The following HMCN1 variants were observed in gnomAD, a reference collection of about 807,000 sequenced individuals.
HMCN1 encodes hemicentin-1.
In HMCN1, 321 loss-of-function variants were observed where a neutral mutation model predicts 625.9. That is an observed-to-expected ratio of 0.51 (90% CI 0.47 to 0.56). HMCN1 has a LOEUF of 0.56. Among genes scored for constraint, HMCN1 ranks in the 20% least tolerant of loss-of-function variants. The pLI, the probability that HMCN1 is intolerant of heterozygous loss-of-function variation, is 0.00. For synonymous variants in HMCN1, 2,425 were observed against 2,417.6 expected (o/e 1.00, Z -0.09); for missense variants, 6,588 against 6,887.3 (o/e 0.96, Z 1.54).
intron 41 of HMCN1, among the ~76,000 whole-genome samples, chr1:186,047,537 CAAGT>C (rs1442942237): frequency 6.6e-6 from 1 of 152,108 alleles, no homozygotes; most frequent in African/African-American, 2.4e-5. Context: ...CTAACAAAAT[CAAGT>C]AATAGAATCT....
intron 1 of HMCN1, among the ~76,000 whole-genome samples, chr1:185,832,754 T>A (rs556228803): frequency 1.0e-3 from 152 of 152,268 alleles, no homozygotes; most frequent in African/African-American, 3.5e-3. Context: ...AAGAAAAAGA[T>A]TAATAAAGTT....
intron 97 of HMCN1, among the ~76,000 whole-genome samples, chr1:186,162,871 TGAG>T (rs1028074292): frequency 3.3e-5 from 5 of 152,200 alleles, no homozygotes; most frequent in African/African-American, 1.2e-4. Flanking sequence ...GGGACCCACT[TGAG>T]GAGGCAGTCT....
At chr1:185,982,238 T>A (rs955561166) in intron 17 of HMCN1, 24 bp from the exon 18 acceptor site, 1 of 1,613,214 alleles carries the variant, frequency 6.2e-7, no homozygotes, top group Non-Finnish European at 8.5e-7. Context: ...GAGTTGAAAG[T>A]GCCTGTGCTC....
chr1:186,009,526 G>A (rs1322367410), intron 30 of HMCN1, among the ~76,000 whole-genome samples: 1 of 152,018 alleles, frequency 6.6e-6, no homozygotes, highest in Non-Finnish European at 1.5e-5. Flanking sequence ...GGCTAACTGT[G>A]AAGAATACAT....
intron 1 of HMCN1, among the ~76,000 whole-genome samples, chr1:185,745,064 A>C (rs937729318): frequency 4.6e-5 from 7 of 152,204 alleles, no homozygotes; most frequent in African/African-American, 1.7e-4. Context: ...AAGAAATATA[A>C]TTGCCTTTTG....
chr1:186,171,482 A>G (rs961602703), intron 101 of HMCN1, 32 bp downstream of exon 101: 1 of 1,442,490 alleles, frequency 6.9e-7, no homozygotes, highest in South Asian at 1.1e-5. Context: ...TAAAGGAATG[A>G]CACCTCTATA....
chr1:185,865,902 C>T (rs750968388), intron 4 of HMCN1, 39 bp downstream of exon 4: 14 of 1,608,132 alleles, frequency 8.7e-6, no homozygotes, highest in Non-Finnish European at 1.2e-5. Flanking sequence ...TTACCAGCTG[C>T]CTTATCAAAA....
intron 1 of HMCN1, among the ~76,000 whole-genome samples, chr1:185,751,652 C>T (rs1427214465): frequency 2.0e-5 from 3 of 152,020 alleles, no homozygotes; most frequent in African/African-American, 7.2e-5. Flanking sequence ...TCTTCTCATT[C>T]TCTAAGCCTT....
In HMCN1 at chr1:186,136,770, C is replaced by T. The variant is rs761664155; in HGVS notation, c.13415C>T (p.Thr4472Ile). The T allele has an allele frequency of 6.2e-6, 10 of 1,614,050 alleles. No individual in the cohort carries two copies. In the South Asian group the frequency reaches 1.1e-4, roughly 18 times the overall value. ...ACTGGAGAGCCTCAACCAACCATTA[C>T]ATGGTCCCGTCAAGGGCACTCTATT... ...QATGEPQPTI[T>I]WSRQGHSISW... The change falls in exon 87 of 107, where the codon ACA (threonine) becomes ATA (isoleucine). Residue 4472 changes from threonine to isoleucine, a missense_variant. Around this residue, in one of 3 missense-constraint regions of HMCN1, gnomAD observed 1,954 missense variants for 2,013.1 expected, o/e 0.97. Coordinates refer to ENST00000271588, the MANE Select transcript of HMCN1 (RefSeq NM_031935.3).
At chr1:186,058,155 A>G (rs1216849946) in intron 46 of HMCN1, among the ~76,000 whole-genome samples, 1 of 151,996 alleles carries the variant, frequency 6.6e-6, no homozygotes, top group Non-Finnish European at 1.5e-5. Flanking sequence ...AAGGCTCATG[A>G]TGGCCCTCTA....
intron 46 of HMCN1, among the ~76,000 whole-genome samples, chr1:186,058,546 A>G (rs1443466572): frequency 6.6e-6 from 1 of 151,956 alleles, no homozygotes; most frequent in Non-Finnish European, 1.5e-5. Context: ...TGTATTTGGT[A>G]TCTAATCCAA....
chr1:185,999,925 T>C (rs531482118), intron 25 of HMCN1, 120 bp from the exon 26 acceptor site: 6 of 673,494 alleles, frequency 8.9e-6, no homozygotes, highest in Non-Finnish European at 1.5e-5. Flanking sequence ...GAAGGTAGCA[T>C]AGGACCTAAG....
At chr1:186,150,020 A>G (rs1650571304) in intron 93 of HMCN1, among the ~76,000 whole-genome samples, 1 of 152,206 alleles carries the variant, frequency 6.6e-6, no homozygotes, top group Non-Finnish European at 1.5e-5. Context: ...AAAGTTTGAA[A>G]TATTGCAAGA....
At chr1:185,949,504 A>G (rs1349345519) in intron 11 of HMCN1, among the ~76,000 whole-genome samples, 4 of 151,864 alleles carry the variant, frequency 2.6e-5, no homozygotes, top group African/African-American at 9.7e-5. Context: ...GTGTTTTTAA[A>G]AGACCTTTAG....
intron 63 of HMCN1, among the ~76,000 whole-genome samples, chr1:186,089,152 G>A (rs1659698226): frequency 6.6e-6 from 1 of 151,932 alleles, no homozygotes; most frequent in African/African-American, 2.4e-5. Context: ...CTGACCGCAG[G>A]TAGATTAGGT....
intron 2 of HMCN1, among the ~76,000 whole-genome samples, chr1:185,860,517 C>A (rs1015697100): frequency 5.9e-5 from 9 of 151,820 alleles, no homozygotes; most frequent in Non-Finnish European, 1.3e-4. Flanking sequence ...GCTATGTTGC[C>A]CAGGCTGGAA....
intron 80 of HMCN1, 139 bp from the exon 81 acceptor site, chr1:186,122,812 A>T: frequency 1.1e-6 from 1 of 879,206 alleles, no homozygotes; most frequent in Non-Finnish European, 1.7e-6. Context: ...GAAAAAATGT[A>T]GTGCTCCTTT....
chr1:186,036,947 T>A (rs1655870764), intron 36 of HMCN1, among the ~76,000 whole-genome samples: 1 of 152,140 alleles, frequency 6.6e-6, no homozygotes, highest in African/African-American at 2.4e-5. Flanking sequence ...AAAAGCTCTA[T>A]TAAACAATGA....
intron 66 of HMCN1, among the ~76,000 whole-genome samples, chr1:186,093,933 A>AT (rs746247451): frequency 2.0e-5 from 3 of 152,056 alleles, no homozygotes; most frequent in Non-Finnish European, 4.4e-5. Context: ...ATTTCCAGGA[A>AT]TTACTGTTTT....
Sources: gnomAD v4.1 joint callset for allele counts (sites outside exome capture counted in the v4.1 genomes callset) on GRCh38, gnomAD v4.1.1 for gene constraint, gnomAD v4.1.1 regional missense constraint, MANE v1.5 for transcripts, NCBI Gene and HGNC (gene_info 2026-07-23, HGNC 2026-07-21) for gene names.